RAB3C: variants seen among roughly 807,000 people sequenced by gnomAD.
RAB3C encodes ras-related protein Rab-3C.
A neutral mutation model predicts 26.4 loss-of-function variants in RAB3C; 17 were observed. The ratio of observed to expected loss-of-function variants is 0.64; its 90% CI spans 0.44 to 0.97. RAB3C has a LOEUF of 0.97. Ranked by LOEUF, RAB3C falls within the 50% of genes least tolerant of loss-of-function variation. The pLI is 0.00. For synonymous variants in RAB3C, 91 were observed against 95.9 expected, an observed-to-expected ratio of 0.95 and a Z score of 0.30; for missense variants, 242 against 281.9, an observed-to-expected ratio of 0.86 and a Z score of 1.01.
At chr5:58,738,127 G>A (rs371644209) in intron 3 of RAB3C, among the ~76,000 whole-genome samples, 2 of 152,060 alleles carry the variant, frequency 1.3e-5, no homozygotes, top group African/African-American at 2.4e-5. Flanking sequence ...CACGGCCTCC[G>A]TTCAAAGTTT....
At chr5:58,846,263 G>A (rs571582932) in intron 4 of RAB3C, among the ~76,000 whole-genome samples, 1 of 152,236 alleles carries the variant, frequency 6.6e-6, no homozygotes, top group African/African-American at 2.4e-5. Flanking sequence ...ACAGAGGAGG[G>A]TAAATCTTAA....
intron 3 of RAB3C, among the ~76,000 whole-genome samples, chr5:58,779,650 A>T (rs1742230830): frequency 1.3e-5 from 2 of 152,006 alleles, no homozygotes; most frequent in Admixed American, 1.3e-4. Context: ...GGCCTCCCAA[A>T]CTGCTAGGAT....
chr5:58,775,301 G>T (rs1742105863), intron 3 of RAB3C, among the ~76,000 whole-genome samples: 1 of 152,068 alleles, frequency 6.6e-6, no homozygotes, highest in Admixed American at 6.6e-5. Flanking sequence ...AAACCCAGGG[G>T]CTTCTCTTCA....
At chr5:58,641,979 A>G (rs544284579) in intron 2 of RAB3C, among the ~76,000 whole-genome samples, 109 of 152,326 alleles carry the variant, frequency 7.2e-4, no homozygotes, top group Non-Finnish European at 8.8e-5. Context: ...CACATAACAT[A>G]ACTCCCTTGT....
chr5:58,674,638 C>T (rs1748186539), intron 2 of RAB3C, among the ~76,000 whole-genome samples: 1 of 152,182 alleles, frequency 6.6e-6, no homozygotes, highest in African/African-American at 2.4e-5. Flanking sequence ...ATATTTAATA[C>T]TGTAATACAG....
At chr5:58,705,745 C>T (rs531418425) in intron 2 of RAB3C, among the ~76,000 whole-genome samples, 65 of 152,144 alleles carry the variant, frequency 4.3e-4, no homozygotes, top group Non-Finnish European at 6.5e-4. Context: ...CACTCTCTCT[C>T]CCTCTCTTCA....
At chr5:58,628,071 C>T (rs1299956050) in intron 2 of RAB3C, among the ~76,000 whole-genome samples, 2 of 144,796 alleles carry the variant, frequency 1.4e-5, no homozygotes, top group African/African-American at 2.6e-5. Flanking sequence ...GCAGGAGAAT[C>T]GCTTGAACCT....
intron 3 of RAB3C, among the ~76,000 whole-genome samples, chr5:58,790,635 A>T (rs1050512291): frequency 1.3e-5 from 2 of 152,152 alleles, no homozygotes; most frequent in Admixed American, 6.5e-5. Flanking sequence ...GGACCACTAG[A>T]GCCTACTCTC....
intron 1 of RAB3C, among the ~76,000 whole-genome samples, chr5:58,609,716 T>A (rs1746656584): frequency 6.6e-6 from 1 of 152,322 alleles, no homozygotes; most frequent in East Asian, 1.9e-4. Flanking sequence ...TAATTTGGCA[T>A]ACTATTGTAT....
rs1226037620 is a variant in RAB3C at position 58,853,973 on chromosome 5, C to G, written c.*2622C>G. On this transcript the variant is annotated 3_prime_UTR_variant, in exon 5 of 5. Coordinates refer to ENST00000282878, the MANE Select transcript of RAB3C (RefSeq NM_138453.4). ...GGTTAACTAAGTGGGCTTTCATTGGCATTGAGCTATGTTACTTATAAATTA... is the reference window on the plus strand; with the variant it reads ...GGTTAACTAAGTGGGCTTTCATTGGGATTGAGCTATGTTACTTATAAATTA... 1 of 150,756 alleles carries G rather than the reference C, an allele frequency of 6.6e-6. No homozygotes were observed. The highest frequency in any genetic ancestry group is 1.5e-5 in the Non-Finnish European group (1 of 67,794). The allele number at this position is 150,756 out of a possible 1,614,324, so 9.3% of individuals were successfully genotyped here.
At chr5:58,830,075 G>T (rs1269275802) in intron 4 of RAB3C, among the ~76,000 whole-genome samples, 1 of 152,054 alleles carries the variant, frequency 6.6e-6, no homozygotes, top group Non-Finnish European at 1.5e-5. Context: ...TCTATGAATG[G>T]GTAGTTACTT....
chr5:58,716,597 A>G (rs1435916992), intron 2 of RAB3C, among the ~76,000 whole-genome samples: 1 of 152,062 alleles, frequency 6.6e-6, no homozygotes. Context: ...GCATATATGT[A>G]ACACCCTGTT....
intron 3 of RAB3C, among the ~76,000 whole-genome samples, chr5:58,777,433 C>A (rs1338958937): frequency 6.6e-6 from 1 of 152,110 alleles, no homozygotes; most frequent in Non-Finnish European, 1.5e-5. Flanking sequence ...TCAAGATCCA[C>A]CTCAAATATT....
intron 2 of RAB3C, among the ~76,000 whole-genome samples, chr5:58,697,840 C>T (rs561321330): frequency 3.3e-5 from 5 of 152,048 alleles, no homozygotes; most frequent in Admixed American, 6.6e-5. Context: ...ATGGGTCTTC[C>T]GAATAAGCAC....
chr5:58,809,194 CTTAATTGT>C (rs1161964831), intron 3 of RAB3C, among the ~76,000 whole-genome samples: 1 of 152,040 alleles, frequency 6.6e-6, no homozygotes, highest in African/African-American at 2.4e-5. Flanking sequence ...GTTTGAAATA[CTTAATTGT>C]GACCAAAAAA....
At chr5:58,748,857 C>G (rs1456333344) in intron 3 of RAB3C, among the ~76,000 whole-genome samples, 2 of 152,116 alleles carry the variant, frequency 1.3e-5, no homozygotes, top group Non-Finnish European at 2.9e-5. Flanking sequence ...GGGATTAGTT[C>G]TCACCAACAA....
At chr5:58,817,284 C>A (rs1292760594) in intron 3 of RAB3C, among the ~76,000 whole-genome samples, 1 of 151,986 alleles carries the variant, frequency 6.6e-6, no homozygotes, top group African/African-American at 2.4e-5. Flanking sequence ...AAGAATGTAG[C>A]AATTGTACCA....
rs1744297549 is a variant in RAB3C, at chr5:58,857,818, A to G, written c.*6467A>G. On this transcript the variant is annotated 3_prime_UTR_variant, in exon 5 of 5. Transcript: ENST00000282878. ...CCTCAAACTCCCTTGTTTAATGCTAATTGGTGGCCTGGAACTTCACTGAGA... is the reference window on the plus strand; with the variant it reads ...CCTCAAACTCCCTTGTTTAATGCTAGTTGGTGGCCTGGAACTTCACTGAGA... The G allele has an allele frequency of 6.6e-6, 1 of 152,184 alleles. No homozygotes were observed. The highest frequency in any genetic ancestry group is 2.4e-5 in the African/African-American group (1 of 41,442). The allele number at this position is 152,184 out of a possible 1,614,324, so 9.4% of individuals were successfully genotyped here.
intron 2 of RAB3C, among the ~76,000 whole-genome samples, chr5:58,663,960 A>G (rs1478044223): frequency 2.6e-5 from 4 of 152,144 alleles, no homozygotes; most frequent in Non-Finnish European, 5.9e-5. Context: ...TAGGCTTTCC[A>G]TAGATGTATT....
Sources: allele counts gnomAD v4.1 joint callset (sites outside exome capture counted in the v4.1 genomes callset), GRCh38; gene constraint gnomAD v4.1.1; transcripts MANE v1.5; gene names NCBI Gene and HGNC (gene_info 2026-07-23, HGNC 2026-07-21).